Variants in RSU1 observed in about 807,000 individuals in gnomAD.
The protein encoded by RSU1 is Ras suppressor protein 1.
Under a neutral mutation model 31.1 loss-of-function variants are expected in RSU1, and 26 were observed. The ratio of observed to expected loss-of-function variants is 0.84; its 90% CI spans 0.61 to 1.16. The LOEUF (loss-of-function observed/expected upper bound fraction) is 1.16. RSU1 is among the 50% of genes most tolerant of loss of function. RSU1 has a pLI of 0.00. For synonymous variants in RSU1, 164 were observed against 136.3 expected, an observed-to-expected ratio of 1.20 and a Z score of -1.41; for missense variants, 320 against 339.1, an observed-to-expected ratio of 0.94 and a Z score of 0.44.
At chr10:16,658,074 G>C (rs1400584686) in intron 8 of RSU1, among the ~76,000 whole-genome samples, 10 of 152,288 alleles carry the variant, frequency 6.6e-5, no homozygotes, top group African/African-American at 1.7e-4. Flanking sequence ...ATTCTTCTAG[G>C]GGATAACAGG....
At chr10:16,680,705 G>A (rs931538103) in intron 8 of RSU1, among the ~76,000 whole-genome samples, 3 of 152,120 alleles carry the variant, frequency 2.0e-5, no homozygotes, top group African/African-American at 4.8e-5. Flanking sequence ...CCAAGAGGAC[G>A]GCAAAAGCCA....
chr10:16,747,000 T>C (rs1157137514), intron 7 of RSU1, among the ~76,000 whole-genome samples: 1 of 152,062 alleles, frequency 6.6e-6, no homozygotes, highest in Non-Finnish European at 1.5e-5. Flanking sequence ...AAAAAGAGAA[T>C]AATCCCCCAA....
intron 2 of RSU1, among the ~76,000 whole-genome samples, chr10:16,783,348 C>T (rs1244593081): frequency 7.2e-6 from 1 of 138,918 alleles, no homozygotes; most frequent in Non-Finnish European, 1.5e-5. Flanking sequence ...ATCACTTCTA[C>T]TGACCACAAC....
At chr10:16,807,129 A>G (rs1347590483) in intron 2 of RSU1, among the ~76,000 whole-genome samples, 3 of 152,206 alleles carry the variant, frequency 2.0e-5, no homozygotes, top group Non-Finnish European at 2.9e-5. Flanking sequence ...ATAGACCACC[A>G]TTCAAACACT....
At chr10:16,715,626 A>G (rs955837029) in intron 7 of RSU1, among the ~76,000 whole-genome samples, 1 of 152,162 alleles carries the variant, frequency 6.6e-6, no homozygotes, top group Non-Finnish European at 1.5e-5. Context: ...TTAGGCAAGG[A>G]TTTATTTCTG....
intron 8 of RSU1, among the ~76,000 whole-genome samples, chr10:16,602,822 G>C (rs990155395): frequency 6.6e-6 from 1 of 152,126 alleles, no homozygotes; most frequent in Non-Finnish European, 1.5e-5. Context: ...GTAATCTTCC[G>C]GTAGGATGCT....
At chr10:16,776,264 G>C (rs1837528755) in intron 3 of RSU1, among the ~76,000 whole-genome samples, 1 of 152,160 alleles carries the variant, frequency 6.6e-6, no homozygotes, top group Non-Finnish European at 1.5e-5. Flanking sequence ...TAAGAATGCA[G>C]TATTTTCATG....
At chr10:16,692,063 A>T (rs774787053) in intron 8 of RSU1, among the ~76,000 whole-genome samples, 2 of 152,176 alleles carry the variant, frequency 1.3e-5, no homozygotes, top group Non-Finnish European at 2.9e-5. Flanking sequence ...CAGCCTACTG[A>T]AACTTTTTAA....
At chr10:16,730,236 C>G (rs1259611269) in intron 7 of RSU1, among the ~76,000 whole-genome samples, 1 of 152,278 alleles carries the variant, frequency 6.6e-6, no homozygotes, top group Middle Eastern at 3.4e-3. Flanking sequence ...GGGATCCGCC[C>G]CAATGTCCCA....
At chr10:16,785,837 T>G (rs1203970453) in intron 2 of RSU1, among the ~76,000 whole-genome samples, 1 of 152,162 alleles carries the variant, frequency 6.6e-6, no homozygotes, top group East Asian at 1.9e-4. Flanking sequence ...TGTCAATGTC[T>G]TGTTTTCCCC....
chr10:16,609,096 T>A (rs572541833), intron 8 of RSU1, among the ~76,000 whole-genome samples: 5 of 152,252 alleles, frequency 3.3e-5, no homozygotes, highest in African/African-American at 9.6e-5. Context: ...GCCTGAGACC[T>A]CCTCCTCCTC....
At chr10:16,652,298 T>C (rs1834698476) in intron 8 of RSU1, among the ~76,000 whole-genome samples, 1 of 149,574 alleles carries the variant, frequency 6.7e-6, no homozygotes, top group African/African-American at 2.5e-5. Flanking sequence ...TCAAGAAGCA[T>C]GTCATCAGTA....
At chr10:16,764,985 TG>T (rs1005732807) in intron 3 of RSU1, among the ~76,000 whole-genome samples, 7 of 148,098 alleles carry the variant, frequency 4.7e-5, no homozygotes, top group South Asian at 4.2e-4. Flanking sequence ...AGATGGCTAA[TG>T]GGGGGGGAGA....
chr10:16,796,357 C>T (rs970868058), intron 2 of RSU1, among the ~76,000 whole-genome samples: 3 of 152,150 alleles, frequency 2.0e-5, no homozygotes, highest in African/African-American at 4.8e-5. Flanking sequence ...TCCAGGGCCT[C>T]GCTACGTCTT....
chr10:16,781,044 C>T (rs759468724), intron 3 of RSU1, among the ~76,000 whole-genome samples: 3 of 152,202 alleles, frequency 2.0e-5, no homozygotes, highest in Non-Finnish European at 4.4e-5. Context: ...ATATAATGCA[C>T]ATACACACAT....
chr10:16,594,036 G>A (rs1323677318), intron 8 of RSU1, among the ~76,000 whole-genome samples: 5 of 152,340 alleles, frequency 3.3e-5, no homozygotes, highest in South Asian at 4.1e-4. Flanking sequence ...CTATAATTAC[G>A]GTGGATGGCA....
intron 8 of RSU1, among the ~76,000 whole-genome samples, chr10:16,636,868 C>T (rs1162112571): frequency 6.6e-6 from 1 of 152,188 alleles, no homozygotes; most frequent in African/African-American, 2.4e-5. Context: ...CTACCCCTCA[C>T]ATTCTTATCA....
chr10:16,784,768 A>G (rs1181629264), intron 2 of RSU1, among the ~76,000 whole-genome samples: 2 of 152,190 alleles, frequency 1.3e-5, no homozygotes, highest in Non-Finnish European at 2.9e-5. Flanking sequence ...CTTATTCACT[A>G]TAACAAGAAC....
At chr10:16,703,178 T>C (rs183791474) in intron 7 of RSU1, among the ~76,000 whole-genome samples, 17 of 152,336 alleles carry the variant, frequency 1.1e-4, no homozygotes, top group African/African-American at 4.1e-4. Context: ...GCCAGCATCA[T>C]GCTTCCTATA....
Sources: gnomAD v4.1 joint callset for allele counts (sites outside exome capture counted in the v4.1 genomes callset) on GRCh38, gnomAD v4.1.1 for gene constraint, MANE v1.5 for transcripts, NCBI Gene and HGNC (gene_info 2026-07-23, HGNC 2026-07-21) for gene names.